The following COX10 variants were observed in gnomAD, a reference collection of about 807,000 sequenced individuals.
COX10 encodes protoheme IX farnesyltransferase, mitochondrial.
A neutral mutation model predicts 37.3 loss-of-function variants in COX10; 27 were observed. The ratio of observed to expected loss-of-function variants is 0.72; its 90% CI spans 0.53 to 1.00. The LOEUF (loss-of-function observed/expected upper bound fraction) is 1.00. Ranked by LOEUF, COX10 falls within the 50% of genes least tolerant of loss-of-function variation. The probability of loss-of-function intolerance (pLI) is 0.00; values close to 1 mark genes in which losing one functional copy is unlikely to be tolerated. For synonymous variants in COX10, 222 were observed against 229.1 expected (o/e 0.97, Z 0.28); for missense variants, 475 against 563.2 (o/e 0.84, Z 1.59).
At chr17:14,128,538 C>G (rs988223118) in intron 4 of COX10, among the ~76,000 whole-genome samples, 1 of 152,112 alleles carries the variant, frequency 6.6e-6, no homozygotes, top group East Asian at 1.9e-4. Context: ...CATTTAGTAG[C>G]TTAGGGTGCA....
intron 6 of COX10, among the ~76,000 whole-genome samples, chr17:14,201,564 C>CA (rs1227626473): frequency 6.6e-6 from 1 of 152,078 alleles, no homozygotes; most frequent in Non-Finnish European, 1.5e-5. Flanking sequence ...TTGACACACA[C>CA]AAAAAAGGAG....
chr17:14,186,653 G>C (rs891155886), intron 5 of COX10, among the ~76,000 whole-genome samples: 3 of 151,366 alleles, frequency 2.0e-5, no homozygotes, highest in African/African-American at 7.3e-5. Flanking sequence ...CAGTTGTTTC[G>C]ATTTCAGGGA....
intron 3 of COX10, among the ~76,000 whole-genome samples, chr17:14,079,300 G>A (rs1167595855): frequency 6.6e-6 from 1 of 152,208 alleles, no homozygotes; most frequent in Non-Finnish European, 1.5e-5. Context: ...CCCTAAGGTT[G>A]TTTTTGCCTG....
intron 4 of COX10, among the ~76,000 whole-genome samples, chr17:14,107,903 A>C (rs1915932292): frequency 6.6e-6 from 1 of 152,142 alleles, no homozygotes; most frequent in African/African-American, 2.4e-5. Flanking sequence ...TCCTGAGCCA[A>C]AGTCAGCCTC....
intron 4 of COX10, among the ~76,000 whole-genome samples, chr17:14,138,668 G>A (rs780427842): frequency 6.6e-6 from 1 of 152,060 alleles, no homozygotes; most frequent in Admixed American, 6.6e-5. Flanking sequence ...ACTCATAATC[G>A]GTCCTTTCTC....
At chr17:14,154,180 G>A (rs1035244483) in intron 4 of COX10, among the ~76,000 whole-genome samples, 1 of 152,192 alleles carries the variant, frequency 6.6e-6, no homozygotes, top group Admixed American at 6.5e-5. Flanking sequence ...GGGGTGATTT[G>A]AATATGTTCA....
At chr17:14,202,455 A>G (rs1216890872) in intron 6 of COX10, among the ~76,000 whole-genome samples, 3 of 152,010 alleles carry the variant, frequency 2.0e-5, no homozygotes, top group African/African-American at 7.2e-5. Context: ...AGAAGGTGCT[A>G]ATATCTTGTG....
At chr17:14,086,418 G>A (rs1356245438) in intron 3 of COX10, among the ~76,000 whole-genome samples, 1 of 152,072 alleles carries the variant, frequency 6.6e-6, no homozygotes. Context: ...CAAAGAGTTT[G>A]TGAAGCTCTG....
intron 5 of COX10, among the ~76,000 whole-genome samples, chr17:14,180,512 A>G (rs1390072492): frequency 6.6e-6 from 1 of 152,292 alleles, no homozygotes; most frequent in East Asian, 1.9e-4. Context: ...CCTTTCTCTC[A>G]TCATGAGAAA....
At chr17:14,124,883 A>G (rs1403347892) in intron 4 of COX10, among the ~76,000 whole-genome samples, 2 of 152,198 alleles carry the variant, frequency 1.3e-5, no homozygotes, top group African/African-American at 4.8e-5. Flanking sequence ...GTTATGAGCT[A>G]TACTTGAGAC....
At chr17:14,124,870 C>G (rs1389773193) in intron 4 of COX10, among the ~76,000 whole-genome samples, 1 of 152,126 alleles carries the variant, frequency 6.6e-6, no homozygotes, top group Non-Finnish European at 1.5e-5. Flanking sequence ...AAGTCACAAC[C>G]AGGTTATGAG....
chr17:14,153,220 T>C (rs1434770832), intron 4 of COX10, among the ~76,000 whole-genome samples: 1 of 152,184 alleles, frequency 6.6e-6, no homozygotes, highest in African/African-American at 2.4e-5. Context: ...AGAATCGTGT[T>C]TTATGCCAAA....
At chr17:14,169,967 T>G (rs1422928871) in intron 5 of COX10, among the ~76,000 whole-genome samples, 1 of 152,134 alleles carries the variant, frequency 6.6e-6, no homozygotes, top group African/African-American at 2.4e-5. Context: ...CTCATGGGAA[T>G]GGGTTAGTCT....
At chr17:14,140,506 C>T (rs1391035735) in intron 4 of COX10, among the ~76,000 whole-genome samples, 1 of 151,904 alleles carries the variant, frequency 6.6e-6, no homozygotes, top group Non-Finnish European at 1.5e-5. Flanking sequence ...TATGTATTTC[C>T]TTAATATGTA....
chr17:14,187,593 C>G (rs1597542993), intron 5 of COX10, among the ~76,000 whole-genome samples: 1 of 152,212 alleles, frequency 6.6e-6, no homozygotes, highest in Admixed American at 6.5e-5. Context: ...TGAAGAATTT[C>G]TTCTTTGTGA....
Position 14,206,793 on chromosome 17 carries a change from C to G in COX10, c.929-17C>G. On this transcript the variant is annotated splice_polypyrimidine_tract_variant and intron_variant, in intron 6 of 6. Coordinates refer to ENST00000261643, the MANE Select transcript of COX10 (RefSeq NM_001303.4). ...TGACTGCCTTTGTCTCCCTCTCCTTCCCTGACCCCCGCACAGGCGCATTTC... is the reference window on the plus strand; with the variant it reads ...TGACTGCCTTTGTCTCCCTCTCCTTGCCTGACCCCCGCACAGGCGCATTTC... 6.2e-7 allele frequency: 1 copy of G among 1,611,202 alleles called. No homozygotes were observed. Among genetic ancestry groups the G allele is most frequent in the Non-Finnish European group, 8.5e-7 (1 of 1,178,100 alleles).
chr17:14,149,081 C>T lies in COX10; in HGVS notation c.625-10796C>T, dbSNP rs536926532. Reference sequence around the variant, plus strand: ...AATATGTATAATAAGGAAGCACAAACGTTATAATAGGTGTCTAATAGATAT... The same window carrying T: ...AATATGTATAATAAGGAAGCACAAATGTTATAATAGGTGTCTAATAGATAT... On this transcript the variant is annotated intron_variant, in intron 4 of 6. Transcript: ENST00000261643. 1.2e-4 allele frequency among the ~76,000 whole-genome samples: 18 copies of T among 150,278 alleles called. No individual in the cohort carries two copies. The East Asian group carries it at 3.1e-3, about 26-fold the overall frequency.
chr17:14,092,989 C>A (rs1915561682), intron 3 of COX10, among the ~76,000 whole-genome samples: 1 of 152,158 alleles, frequency 6.6e-6, no homozygotes, highest in Admixed American at 6.5e-5. Context: ...CATACAAATT[C>A]ATTAACTGCC....
intron 4 of COX10, among the ~76,000 whole-genome samples, chr17:14,135,307 A>C (rs1003064991): frequency 1.3e-5 from 2 of 151,806 alleles, no homozygotes; most frequent in Non-Finnish European, 2.9e-5. Context: ...TTTAATTATA[A>C]AATTTCTTTG....
Sources: gnomAD v4.1 joint callset for allele counts (sites outside exome capture counted in the v4.1 genomes callset) on GRCh38, gnomAD v4.1.1 for gene constraint, MANE v1.5 for transcripts, NCBI Gene and HGNC (gene_info 2026-07-23, HGNC 2026-07-21) for gene names.